Variants in DGKB observed in about 807,000 individuals in gnomAD.
DGKB encodes the protein 90 kDa diacylglycerol kinase.
A neutral mutation model predicts 114.3 loss-of-function variants in DGKB; 67 were observed. That is an observed-to-expected ratio of 0.59 (90% CI 0.48 to 0.72). The LOEUF is 0.72. DGKB is among the 30% of genes least tolerant of loss of function. The pLI is 0.00. For missense variants in DGKB, 907 were observed against 975.2 expected (o/e 0.93, Z 0.93); for synonymous variants, 398 against 323.1 (o/e 1.23, Z -2.49).
intron 21 of DGKB, among the ~76,000 whole-genome samples, chr7:14,418,217 A>ATTATATATATGTACATATATT (rs1474047607): frequency 1.0e-4 from 2 of 19,324 alleles, no homozygotes; most frequent in African/African-American, 1.3e-4. Context: ...AAATGTATAT[A>ATTATATATATGTACATATATT]TTATATATGT....
At chr7:14,761,997 T>C (rs1370504335) in intron 2 of DGKB, among the ~76,000 whole-genome samples, 2 of 152,148 alleles carry the variant, frequency 1.3e-5, no homozygotes, top group African/African-American at 2.4e-5. Context: ...TTCCTATGCT[T>C]GGCTTGACTG....
At chr7:14,625,063 A>G (rs1478064609) in intron 14 of DGKB, among the ~76,000 whole-genome samples, 1 of 152,136 alleles carries the variant, frequency 6.6e-6, no homozygotes, top group Non-Finnish European at 1.5e-5. Context: ...TCAACTTATG[A>G]GATTTCATTT....
At chr7:14,346,728 A>C (rs1812540835) in intron 21 of DGKB, among the ~76,000 whole-genome samples, 1 of 151,960 alleles carries the variant, frequency 6.6e-6, no homozygotes, top group Non-Finnish European at 1.5e-5. Flanking sequence ...GTAAATGTCT[A>C]TTTTATAGAA....
chr7:14,432,882 A>T (rs377684955), intron 21 of DGKB, among the ~76,000 whole-genome samples: 1 of 152,124 alleles, frequency 6.6e-6, no homozygotes, highest in East Asian at 1.9e-4. Flanking sequence ...ACACGCTCCA[A>T]AGGTATCACC....
At chr7:14,231,271 C>A (rs1791797731) in intron 23 of DGKB, among the ~76,000 whole-genome samples, 1 of 151,684 alleles carries the variant, frequency 6.6e-6, no homozygotes, top group Non-Finnish European at 1.5e-5. Context: ...GTAGCTGGGA[C>A]TATAGGCCTG....
intron 20 of DGKB, among the ~76,000 whole-genome samples, chr7:14,529,784 T>C (rs1358115604): frequency 6.6e-6 from 1 of 151,830 alleles, no homozygotes; most frequent in Admixed American, 6.6e-5. Flanking sequence ...CTTTTGAGTA[T>C]TGTTGCATGG....
intron 1 of DGKB, among the ~76,000 whole-genome samples, chr7:14,919,759 T>C (rs1343641638): frequency 6.6e-6 from 1 of 152,216 alleles, no homozygotes; most frequent in Non-Finnish European, 1.5e-5. Context: ...GTATCTCTCA[T>C]GAATGGCTTG....
At chr7:14,752,003 C>G (rs560093502) in intron 4 of DGKB, among the ~76,000 whole-genome samples, 32 of 152,250 alleles carry the variant, frequency 2.1e-4, no homozygotes, top group African/African-American at 7.2e-4. Context: ...ATTTTAGAAC[C>G]TAACCCTTTT....
intron 2 of DGKB, among the ~76,000 whole-genome samples, chr7:14,773,824 A>G (rs946597612): frequency 2.0e-5 from 3 of 152,162 alleles, no homozygotes; most frequent in Non-Finnish European, 4.4e-5. Context: ...TTTGTGGGAA[A>G]TTCTTTTACA....
chr7:14,564,054 T>C (rs1053823538), intron 20 of DGKB, among the ~76,000 whole-genome samples: 2 of 152,136 alleles, frequency 1.3e-5, no homozygotes, highest in African/African-American at 4.8e-5. Context: ...CTGGAGAAAT[T>C]TGTGTGATGA....
intron 23 of DGKB, among the ~76,000 whole-genome samples, chr7:14,241,322 T>C (rs1793609668): frequency 6.6e-6 from 1 of 152,160 alleles, no homozygotes; most frequent in African/African-American, 2.4e-5. Context: ...TTTTCTTTCA[T>C]GGCTATCTGT....
intron 20 of DGKB, among the ~76,000 whole-genome samples, chr7:14,485,096 C>CA (rs1389735766): frequency 7.1e-6 from 1 of 141,506 alleles, no homozygotes; most frequent in South Asian, 2.4e-4. Context: ...CACACACACA[C>CA]CACACACACA....
chr7:14,308,869 G>A (rs1351539713), intron 23 of DGKB, among the ~76,000 whole-genome samples: 1 of 152,154 alleles, frequency 6.6e-6, no homozygotes, highest in African/African-American at 2.4e-5. Context: ...CAATCTCGAT[G>A]TTCTTTTGTT....
rs1399749912 is a variant in DGKB, at chr7:14,335,830, T to C, written c.2122+2685A>G. Among the ~76,000 whole-genome samples, 63 of 152,178 alleles carry C rather than the reference T, an allele frequency of 4.1e-4. 1 individual carries two copies. The highest frequency in any genetic ancestry group is 4.1e-3 in the Admixed American group (63 of 15,272). Reference sequence around the variant, plus strand: ...GTGCAGTGGCGCAATCATAGCTCACTGTAGTCTTGAACTCCTGAGGTCAAG... The same window carrying C: ...GTGCAGTGGCGCAATCATAGCTCACCGTAGTCTTGAACTCCTGAGGTCAAG... On this transcript the variant is annotated intron_variant, in intron 23 of 25. Transcript: ENST00000402815.
chr7:14,286,158 G>C (rs1800831802), intron 23 of DGKB, among the ~76,000 whole-genome samples: 1 of 152,056 alleles, frequency 6.6e-6, no homozygotes, highest in Admixed American at 6.6e-5. Flanking sequence ...TAACCATAAA[G>C]AAATTTTAGG....
chr7:14,792,187 G>A (rs1261986957), intron 2 of DGKB, among the ~76,000 whole-genome samples: 1 of 151,986 alleles, frequency 6.6e-6, no homozygotes, highest in Non-Finnish European at 1.5e-5. Context: ...ACATCTACAG[G>A]TTACTCAGCA....
intron 23 of DGKB, among the ~76,000 whole-genome samples, chr7:14,240,632 C>T (rs546594983): frequency 2.6e-5 from 4 of 152,100 alleles, no homozygotes; most frequent in Admixed American, 1.3e-4. Flanking sequence ...CCTTTTCTTC[C>T]CTCCCCAAGA....
At chr7:14,489,182 T>A (rs1476197897) in intron 20 of DGKB, among the ~76,000 whole-genome samples, 1 of 152,192 alleles carries the variant, frequency 6.6e-6, no homozygotes. Context: ...CTCCCTCTAA[T>A]AGAATCCTTA....
intron 13 of DGKB, among the ~76,000 whole-genome samples, chr7:14,666,612 A>G (rs1433838338): frequency 6.6e-6 from 1 of 151,964 alleles, no homozygotes; most frequent in Admixed American, 6.6e-5. Context: ...TTTATAAATT[A>G]AGCAGCTTAT....
Sources: allele counts gnomAD v4.1 joint callset (sites outside exome capture counted in the v4.1 genomes callset), GRCh38; gene constraint gnomAD v4.1.1; transcripts MANE v1.5; gene names NCBI Gene and HGNC (gene_info 2026-07-23, HGNC 2026-07-21).